Variants in ZNF567 observed in about 807,000 individuals in gnomAD.
The protein encoded by ZNF567 is zinc finger protein 567.
In ZNF567, 36 loss-of-function variants were observed where a neutral mutation model predicts 53.9. The ratio of observed to expected loss-of-function variants is 0.67; its 90% CI spans 0.51 to 0.88. The LOEUF (loss-of-function observed/expected upper bound fraction) is 0.88. Among genes scored for constraint, ZNF567 ranks in the 40% least tolerant of loss-of-function variants. ZNF567 has a pLI of 0.00. For synonymous variants in ZNF567, 224 were observed against 260.4 expected (o/e 0.86, Z 1.35); for missense variants, 619 against 764.7 (o/e 0.81, Z 2.25).
chr19:36,674,663 G>A, the ZNF567 span, among the ~76,000 whole-genome samples: 3 of 152,170 alleles, frequency 2.0e-5, no homozygotes, highest in Non-Finnish European at 4.4e-5. Flanking sequence ...CACAGTCATA[G>A]TTGGGTCCAA....
chr19:36,722,221 T>A (rs1350572135), downstream of ZNF567, among the ~76,000 whole-genome samples: 1 of 152,214 alleles, frequency 6.6e-6, no homozygotes, highest in Non-Finnish European at 1.5e-5. Context: ...TTATTGCAGG[T>A]CCTTCTTGGG....
upstream of ZNF567, among the ~76,000 whole-genome samples, chr19:36,685,034 T>A: frequency 6.6e-6 from 1 of 152,136 alleles, no homozygotes; most frequent in Non-Finnish European, 1.5e-5. Context: ...ATGCCTGTAA[T>A]CCCAACACTT....
the ZNF567 span, among the ~76,000 whole-genome samples, chr19:36,672,510 A>G: frequency 9.9e-5 from 15 of 152,152 alleles, no homozygotes; most frequent in African/African-American, 3.6e-4. Flanking sequence ...TGGCTCATGA[A>G]CAAAGTGGTC....
chr19:36,681,047 G>A, the ZNF567 span, among the ~76,000 whole-genome samples: 2 of 152,140 alleles, frequency 1.3e-5, no homozygotes, highest in South Asian at 4.1e-4. Context: ...TCAGTCAGCC[G>A]ACTATATCCT....
chr19:36,689,550 C>G (rs1392945992), intron 2 of ZNF567, 53 bp downstream of exon 2: 2 of 152,092 alleles, frequency 1.3e-5, no homozygotes, highest in African/African-American at 4.8e-5. Context: ...CCTCCAGATA[C>G]ACTTCCCTTC....
At chr19:36,711,098 G>A (rs1310004924) in intron 3 of ZNF567, 1 of 151,910 alleles carries the variant, frequency 6.6e-6, no homozygotes, top group East Asian at 1.9e-4. Context: ...GTGTGACACA[G>A]TCTCTCTCTG....
intron 3 of ZNF567, among the ~76,000 whole-genome samples, chr19:36,705,895 A>G (rs969233154): frequency 2.0e-5 from 3 of 152,194 alleles, no homozygotes; most frequent in African/African-American, 7.2e-5. Flanking sequence ...TCTAAATAAT[A>G]TTGTCCTGAA....
At chr19:36,680,161 G>A in the ZNF567 span, among the ~76,000 whole-genome samples, 3 of 151,938 alleles carry the variant, frequency 2.0e-5, no homozygotes, top group Non-Finnish European at 4.4e-5. Flanking sequence ...TACAATTGTT[G>A]TACAAATATA....
chr19:36,704,794 T>G (rs3108179), intron 3 of ZNF567, among the ~76,000 whole-genome samples: 1 of 151,882 alleles, frequency 6.6e-6, no homozygotes, highest in East Asian at 1.9e-4. Context: ...TCTTAAACGT[T>G]TGTTAGAATT....
At position 36,720,642 on chromosome 19, in the gene ZNF567, A is replaced by C; in HGVS notation, c.1918A>C (p.Lys640Gln). 2 of 1,553,194 alleles carry C rather than the reference A, an allele frequency of 1.3e-6. No individual in the cohort carries two copies. Among genetic ancestry groups the C allele is most frequent in the African/African-American group, 2.8e-5 (2 of 72,676 alleles). ...CCTCATTGTCCATCAAAGAACTCAC[A>C]AGGGAGAAAACATTGAAATGCAATA... ...RNLIVHQRTH[K>Q]GENIEMQ The change falls in exon 6 of 6, where the codon AAG becomes CAG. Residue 640 changes from lysine to glutamine, a missense_variant. Physicochemically the swap from Lys to Gln is moderately conservative, Grantham distance 53 (BLOSUM62 1). Transcript: ENST00000682579.
chr19:36,694,695 A>G (rs1281568930), intron 2 of ZNF567, 107 bp from the exon 3 acceptor site: 1 of 582,762 alleles, frequency 1.7e-6, no homozygotes, highest in Non-Finnish European at 2.9e-6. Context: ...TTCAGAGTGG[A>G]CAAGGATCAA....
downstream of ZNF567, among the ~76,000 whole-genome samples, chr19:36,721,744 C>CTT (rs5827963): frequency 1.7e-3 from 173 of 101,448 alleles, no homozygotes; most frequent in South Asian, 2.7e-3. Flanking sequence ...TTTTTTTTTT[C>CTT]TTTTTTTTTT....
At chr19:36,684,221 C>T (rs1028384029), upstream of ZNF567, among the ~76,000 whole-genome samples, 80 of 152,154 alleles carry the variant, frequency 5.3e-4, no homozygotes, top group Non-Finnish European at 5.9e-5. Flanking sequence ...TGTTATATAA[C>T]CCTGTTTTGA....
At chr19:36,694,999 C>A in intron 3 of ZNF567, 123 bp downstream of exon 3, 1 of 1,084,284 alleles carries the variant, frequency 9.2e-7, no homozygotes, top group Non-Finnish European at 1.3e-6. Flanking sequence ...GAAAACTGGT[C>A]CTCACTTCTT....
chr19:36,725,036 G>A (rs946572393), downstream of ZNF567, among the ~76,000 whole-genome samples: 1 of 151,984 alleles, frequency 6.6e-6, no homozygotes, highest in African/African-American at 2.4e-5. Flanking sequence ...CTGAAAATAG[G>A]ATTTGGGATT....
chr19:36,677,155 CAAAAA>C, the ZNF567 span, among the ~76,000 whole-genome samples: 3 of 28,240 alleles, frequency 1.1e-4, no homozygotes, highest in East Asian at 1.2e-3. Flanking sequence ...AACTCCGTCT[CAAAAA>C]AAAAAAAAAA....
chr19:36,698,801 A>G (rs1278699060), intron 3 of ZNF567, among the ~76,000 whole-genome samples: 1 of 151,950 alleles, frequency 6.6e-6, no homozygotes, highest in Non-Finnish European at 1.5e-5. Flanking sequence ...GTTTGAGTTC[A>G]TTATAGATTC....
intron 2 of ZNF567, among the ~76,000 whole-genome samples, chr19:36,694,068 T>C (rs3108186): frequency 0.67 from 102,154 of 151,990 alleles, 34,664 homozygotes; most frequent in East Asian, 0.82. Flanking sequence ...GTGTGTCTTT[T>C]GTCCTAGCTA....
At position 36,712,779 on chromosome 19, in the gene ZNF567, A is replaced by G; in HGVS notation, c.137-2A>G. ...AACTTAAGTCTTTTTTTCACTTTTC[A>G]GGGTGTCACATGACCAAACCTGATG... On this transcript the variant is annotated splice_acceptor_variant, in intron 4 of 5. Transcript: ENST00000682579. LOFTEE classifies it high-confidence loss of function. The G allele has an allele frequency of 5.0e-6, 8 of 1,611,758 alleles. No individual in the cohort carries two copies. The highest frequency in any genetic ancestry group is 6.8e-6 in the Non-Finnish European group (8 of 1,179,238).
Sources: gnomAD v4.1 joint callset for allele counts (sites outside exome capture counted in the v4.1 genomes callset) on GRCh38, gnomAD v4.1.1 for gene constraint, MANE v1.5 for transcripts, NCBI Gene and HGNC (gene_info 2026-07-23, HGNC 2026-07-21) for gene names.